The following PAF1 variants were observed in gnomAD, a reference collection of about 807,000 sequenced individuals.
PAF1 encodes the protein RNA polymerase II-associated factor 1 homolog.
In PAF1, 31 loss-of-function variants were observed where a neutral mutation model predicts 68.4. That is an observed-to-expected ratio of 0.45 (90% confidence interval 0.34 to 0.61). PAF1 has a LOEUF of 0.61. Ranked by LOEUF, PAF1 falls within the 20% of genes least tolerant of loss-of-function variation. The pLI, the probability that PAF1 is intolerant of heterozygous loss-of-function variation, is 0.01. For synonymous variants in PAF1, 256 were observed against 240.5 expected (o/e 1.06, Z -0.60); for missense variants, 435 against 692.9 (o/e 0.63, Z 4.18).
In PAF1 at chr19:39,389,314, A is replaced by G. The variant is rs2078321294; in HGVS notation, c.429T>C (p.Arg143=). The change falls in exon 6 of 14, where the codon CGT becomes CGC. Residue 143 remains arginine, a synonymous_variant. Transcript: ENST00000221265. The surrounding 1 kb of genome is among the most constrained non-coding windows in gnomAD (Gnocchi z 5.3). ...KTEYISTEFN[R]YGISNEKPEV... ...CAGGCTTCTCATTGGAGATGCCATA[A>G]CGGTTGAACTCAGTGGAGATGTACT... 6.2e-7 allele frequency: 1 copy of G among 1,614,094 alleles called. No individual in the cohort carries two copies. The highest frequency in any genetic ancestry group is 8.5e-7 in the Non-Finnish European group (1 of 1,179,972).
rs1024239998 is a variant in PAF1 at position 39,389,832 on chromosome 19, C to T, written c.171-71G>A. Reference sequence around the variant, plus strand: ...CCCTCACAGCCCTGCTTCCCAGAGGCGGAGCTTCTCTGGGGAGGAACTCAG... The same window carrying T: ...CCCTCACAGCCCTGCTTCCCAGAGGTGGAGCTTCTCTGGGGAGGAACTCAG... On this transcript the variant is annotated intron_variant, in intron 3 of 13. Coordinates refer to ENST00000221265, the MANE Select transcript of PAF1 (RefSeq NM_019088.4). This position sits in a 1 kb window ranked among gnomAD's most constrained non-coding sequence, Gnocchi z 5.3. The T allele has an allele frequency of 8.2e-6, 13 of 1,589,930 alleles. No homozygotes were observed. The Middle Eastern group carries it at 1.4e-3, about 167-fold the overall frequency.
At chr19:39,387,121 C>T (rs1568372973) in intron 11 of PAF1, 3 of 462,032 alleles carry the variant, frequency 6.5e-6, no homozygotes, top group Non-Finnish European at 1.2e-5. Context: ...TCATACAGTA[C>T]TCTTACACAA....
chr19:39,389,378 T>A lies in PAF1; in HGVS notation c.365A>T (p.Gln122Leu). ...CCATGGCACCACCTTCGCGTGCTGC[T>A]GGGATCTGGGGTGGGAAATCAGGTA... ...IQAPTSSKRS[Q>L]QHAKVVPWMR... Residue 122 changes from glutamine (Q) to leucine (L), a missense_variant, in exon 6 of 14, where the codon CAG (glutamine) becomes CTG (leucine). Physicochemically the swap from Gln to Leu is moderately radical, Grantham distance 113 (BLOSUM62 -2). This residue lies in a region of PAF1 where 77 missense variants were observed against 118.2 expected (regional missense o/e 0.65). Coordinates refer to ENST00000221265, the MANE Select transcript of PAF1 (RefSeq NM_019088.4). This position sits in a 1 kb window ranked among gnomAD's most constrained non-coding sequence, Gnocchi z 5.3. The A allele has an allele frequency of 6.2e-7, 1 of 1,614,076 alleles. No homozygotes were observed. The highest frequency in any genetic ancestry group is 2.2e-5 in the East Asian group (1 of 44,886).
Position 39,386,300 on chromosome 19 carries a change from A to T in PAF1, c.1287T>A (p.Ser429Arg). The change falls in exon 14 of 14, where the codon AGT becomes AGA. Residue 429 changes from serine to arginine, a missense_variant. This residue lies in a region of PAF1 where 78 missense variants were observed against 80.6 expected (regional missense o/e 0.97). Coordinates refer to ENST00000221265, the MANE Select transcript of PAF1 (RefSeq NM_019088.4). This position sits in a 1 kb window ranked among gnomAD's most constrained non-coding sequence, Gnocchi z 6.1. ...EREEGDRDEASDKSGSGEDES... is the reference protein window; with the variant it reads ...EREEGDRDEARDKSGSGEDES... Reference sequence around the variant, plus strand: ...CGTCCTCACCACTGCCACTCTTGTCACTGGCCTCGTCCCTGTCACCTTCCT... The same window carrying T: ...CGTCCTCACCACTGCCACTCTTGTCTCTGGCCTCGTCCCTGTCACCTTCCT... 6.2e-7 allele frequency: 1 copy of T among 1,613,912 alleles called. No individual in the cohort carries two copies. Among genetic ancestry groups the T allele is most frequent in the South Asian group, 1.1e-5 (1 of 91,050 alleles).
At position 39,386,466 on chromosome 19, in the gene PAF1, G is replaced by A. The variant is rs781435996; in HGVS notation, c.1183+16C>T. 2.5e-6 allele frequency: 4 copies of A among 1,614,144 alleles called. No individual in the cohort carries two copies. The highest frequency in any genetic ancestry group is 3.4e-6 in the Non-Finnish European group (4 of 1,180,024). On this transcript the variant is annotated intron_variant, in intron 13 of 13. Transcript: ENST00000221265. This position sits in a 1 kb window ranked among gnomAD's most constrained non-coding sequence, Gnocchi z 6.1. ...ACCCTCCCAGGGCTCCCAGAGTCTG[G>A]CCTGTCCAGATTTACCTGAGCCCCC...
chr19:39,390,914 G>T lies in PAF1; in HGVS notation c.-50C>A, dbSNP rs1436012906. Reference sequence around the variant, plus strand: ...ACGGGGTCCTAGCGGGACCGAAGGGGGACGCAGAGGGGCGTGCCGACTTCA... The same window carrying T: ...ACGGGGTCCTAGCGGGACCGAAGGGTGACGCAGAGGGGCGTGCCGACTTCA... On this transcript the variant is annotated 5_prime_UTR_variant, in exon 1 of 14. Transcript: ENST00000221265. 2.6e-6 allele frequency: 4 copies of T among 1,536,362 alleles called. No homozygotes were observed. In the Admixed American group the frequency reaches 5.9e-5, roughly 23 times the overall value.
rs1281866998 is a variant in PAF1, at chr19:39,390,270, G to C, written c.67C>G (p.Leu23Val). ...DGHRPNSHRT[L>V]PERSGVVCRV... ...CACAGTGGGGCTCACCTCTCAGGCA[G>C]AGTCCGGTGGGAATTGGGCCTAGTG... Residue 23 changes from leucine to valine, a missense_variant, in exon 2 of 14, where the codon CTG becomes GTG. By Grantham distance (32) the Leu-to-Val change is conservative. Around this residue, in one of 7 missense-constraint regions of PAF1, gnomAD observed 38 missense variants for 33.9 expected, o/e 1.12. Coordinates refer to ENST00000221265, the MANE Select transcript of PAF1 (RefSeq NM_019088.4). 1.9e-6 allele frequency: 3 copies of C among 1,613,486 alleles called. No individual in the cohort carries two copies. Among genetic ancestry groups the C allele is most frequent in the Admixed American group, 3.3e-5 (2 of 59,870 alleles).
chr19:39,385,756 T>C lies in PAF1; in HGVS notation c.*235A>G. ...GAAACCATTGGCCCTGCCTCTGGCC[T>C]GTGTTTCTAAGCCTCAAGCCAAGAT... On this transcript the variant is annotated 3_prime_UTR_variant, in exon 14 of 14. Coordinates refer to ENST00000221265, the MANE Select transcript of PAF1 (RefSeq NM_019088.4). 1.6e-6 allele frequency: 1 copy of C among 607,320 alleles called. No homozygotes were observed. The highest frequency in any genetic ancestry group is 2.9e-6 in the Non-Finnish European group (1 of 349,554). 37.6% of individuals were successfully genotyped at this position (607,320 alleles called of 1,614,324 possible). A position where few individuals can be genotyped will look rare whatever the true frequency, so the allele number is the denominator to read the frequency against.
chr19:39,390,188 G>A, intron 2 of PAF1, 27 bp from the exon 3 acceptor site: 2 of 1,611,630 alleles, frequency 1.2e-6, no homozygotes, highest in African/African-American at 1.3e-5. Flanking sequence ...CTCAAAAGTG[G>A]GCCCCCGCTG....
intron 1 of PAF1, 33 bp downstream of exon 1, chr19:39,390,785 C>T (rs568250519): frequency 3.8e-6 from 6 of 1,561,186 alleles, no homozygotes; most frequent in Non-Finnish European, 2.6e-6. Context: ...CCCGATCCCC[C>T]GCCTTGCTGC....
Position 39,389,559 on chromosome 19 carries a change from G to C in PAF1, c.293-13C>G, listed in dbSNP as rs780055468. 1.2e-6 allele frequency: 2 copies of C among 1,613,988 alleles called. No individual in the cohort carries two copies. Among genetic ancestry groups the C allele is most frequent in the African/African-American group, 1.3e-5 (1 of 74,918 alleles). On this transcript the variant is annotated splice_polypyrimidine_tract_variant and intron_variant, in intron 4 of 13. Coordinates refer to ENST00000221265, the MANE Select transcript of PAF1 (RefSeq NM_019088.4). The surrounding 1 kb of genome is among the most constrained non-coding windows in gnomAD (Gnocchi z 5.3). ...GGATCTAGAAGAACTAGAGGAGAGC[G>C]GGGGGCAGGAGGACCATGAGGGAGG... is the stretch of plus-strand genomic sequence containing the variant.
rs757357536 is a variant in PAF1, at chr19:39,389,379, G to A, written c.364C>T (p.Gln122Ter). 1 of 1,614,014 alleles carries A rather than the reference G, an allele frequency of 6.2e-7. No homozygotes were observed. The highest frequency in any genetic ancestry group is 2.2e-5 in the East Asian group (1 of 44,884). Residue 122 changes from glutamine (Q) to a stop codon, truncating the protein, a stop_gained, in exon 6 of 14, where the codon CAG (glutamine) becomes TAG (stop). Transcript: ENST00000221265. LOFTEE classifies it high-confidence loss of function. This position sits in a 1 kb window ranked among gnomAD's most constrained non-coding sequence, Gnocchi z 5.3. ...IQAPTSSKRS[Q>*]QHAKVVPWMR... ...CATGGCACCACCTTCGCGTGCTGCT[G>A]GGATCTGGGGTGGGAAATCAGGTAT...
Position 39,388,784 on chromosome 19 carries a change from TCTC to T in PAF1, c.715_717del (p.Glu239del). On this transcript the variant is annotated inframe_deletion, in exon 9 of 14. Coordinates refer to ENST00000221265, the MANE Select transcript of PAF1 (RefSeq NM_019088.4). ...TACCTAATCATGGCCTGAGACATCA[TCTC>T]CAACGCAGCTGCACCACTCGTGTCC... 6.2e-7 allele frequency: 1 copy of T among 1,614,032 alleles called. No individual in the cohort carries two copies. Among genetic ancestry groups the T allele is most frequent in the Non-Finnish European group, 8.5e-7 (1 of 1,179,958 alleles).
chr19:39,389,258 C>T lies in PAF1; in HGVS notation c.461+24G>A, dbSNP rs529449562. On this transcript the variant is annotated intron_variant, in intron 6 of 13. Coordinates refer to ENST00000221265, the MANE Select transcript of PAF1 (RefSeq NM_019088.4). This position sits in a 1 kb window ranked among gnomAD's most constrained non-coding sequence, Gnocchi z 5.3. ...GGACACACCTAATATCTCCACCTTC[C>T]CTCTCTTCCTGTTAGTAACTTACTT... 5.0e-6 allele frequency: 8 copies of T among 1,609,860 alleles called. No homozygotes were observed. Among genetic ancestry groups the T allele is most frequent in the Middle Eastern group, 1.6e-4 (1 of 6,074 alleles).
At position 39,386,659 on chromosome 19, in the gene PAF1, T is replaced by G; in HGVS notation, c.1092+35A>C. The G allele has an allele frequency of 6.3e-7, 1 of 1,592,174 alleles. No homozygotes were observed. Among genetic ancestry groups the G allele is most frequent in the Non-Finnish European group, 8.6e-7 (1 of 1,159,904 alleles). ...CCTCACCTACAACCACCACCCTCCC[T>G]GCCATGGGTGCCCTGAGCCAGTGGT... On this transcript the variant is annotated intron_variant, in intron 12 of 13. Coordinates refer to ENST00000221265, the MANE Select transcript of PAF1 (RefSeq NM_019088.4). This position sits in a 1 kb window ranked among gnomAD's most constrained non-coding sequence, Gnocchi z 6.1.
chr19:39,388,370 C>T lies in PAF1; in HGVS notation c.955G>A (p.Asp319Asn). ...TCCAACTCATTGTAGTAAACCCCGT[C>T]ACCCTCTCGGAAGATGAAGAAGTAG... ...ENYFFIFREG[D>N]GVYYNELETR... Residue 319 changes from aspartate (D) to asparagine (N), a missense_variant, in exon 11 of 14, where the codon GAC becomes AAC. Asp to Asn is a conservative substitution (Grantham distance 23, BLOSUM62 1). Coordinates refer to ENST00000221265, the MANE Select transcript of PAF1 (RefSeq NM_019088.4). 2 of 1,614,102 alleles carry T rather than the reference C, an allele frequency of 1.2e-6. No individual in the cohort carries two copies. The highest frequency in any genetic ancestry group is 1.7e-6 in the Non-Finnish European group (2 of 1,179,990).
Position 39,388,388 on chromosome 19 carries a change from A to C in PAF1, c.937T>G (p.Phe313Val). Reference sequence around the variant, plus strand: ...ACCCCGTCACCCTCTCGGAAGATGAAGAAGTAGTTTTCCTCATAGCCCTTG... The same window carrying C: ...ACCCCGTCACCCTCTCGGAAGATGACGAAGTAGTTTTCCTCATAGCCCTTG... Reference protein sequence around the residue: ...ASKGYEENYFFIFREGDGVYY... With the variant: ...ASKGYEENYFVIFREGDGVYY... Residue 313 changes from phenylalanine (F) to valine (V), a missense_variant, in exon 11 of 14, where the codon TTC (phenylalanine) becomes GTC (valine). By Grantham distance (50) the Phe-to-Val change is conservative. Around this residue, in one of 7 missense-constraint regions of PAF1, gnomAD observed 151 missense variants for 306.3 expected, o/e 0.49. Coordinates refer to ENST00000221265, the MANE Select transcript of PAF1 (RefSeq NM_019088.4). The C allele has an allele frequency of 3.1e-6, 5 of 1,613,982 alleles. No homozygotes were observed. The highest frequency in any genetic ancestry group is 4.2e-6 in the Non-Finnish European group (5 of 1,179,884).
At position 39,388,321 on chromosome 19, in the gene PAF1, TAGG is replaced by T; in HGVS notation, c.986+15_986+17del. ...GAAGCACAGATCCAGGCTAATCAGA[TAGG>T]AGTGTGCTGAGTACCTGGTTTCCAA... is the stretch of plus-strand genomic sequence containing the variant. On this transcript the variant is annotated intron_variant, in intron 11 of 13. Transcript: ENST00000221265. 1 of 1,613,766 alleles carries T rather than the reference TAGG, an allele frequency of 6.2e-7. No homozygotes were observed. The highest frequency in any genetic ancestry group is 8.5e-7 in the Non-Finnish European group (1 of 1,179,728).
In PAF1 at chr19:39,390,901, C is replaced by A; in HGVS notation, c.-37G>T. On this transcript the variant is annotated 5_prime_UTR_variant, in exon 1 of 14. Coordinates refer to ENST00000221265, the MANE Select transcript of PAF1 (RefSeq NM_019088.4). ...GACGGCAGCCCGGACGGGGTCCTAG[C>A]GGGACCGAAGGGGGACGCAGAGGGG... is the stretch of plus-strand genomic sequence containing the variant. 3 of 1,560,326 alleles carry A rather than the reference C, an allele frequency of 1.9e-6. No individual in the cohort carries two copies. Among genetic ancestry groups the A allele is most frequent in the Non-Finnish European group, 2.6e-6 (3 of 1,151,546 alleles).
Sources: gnomAD v4.1 joint callset for allele counts on GRCh38, gnomAD v4.1.1 for gene constraint, gnomAD v4.1.1 regional missense constraint, Gnocchi (gnomAD v3.1) non-coding constraint, MANE v1.5 for transcripts, NCBI Gene and HGNC (gene_info 2026-07-23, HGNC 2026-07-21) for gene names.